CDH18: variants seen among roughly 807,000 people sequenced by gnomAD.
CDH18 encodes the protein cadherin 18.
Under a neutral mutation model 67.9 loss-of-function variants are expected in CDH18, and 31 were observed. The ratio of observed to expected loss-of-function variants is 0.46; its 90% confidence interval spans 0.34 to 0.62. The LOEUF is 0.62. Among genes scored for constraint, CDH18 ranks in the 20% least tolerant of loss-of-function variants. The pLI is 0.01. For missense variants in CDH18, 890 were observed against 975.5 expected, an observed-to-expected ratio of 0.91 and a Z score of 1.17; for synonymous variants, 362 against 347.2, an observed-to-expected ratio of 1.04 and a Z score of -0.48.
chr5:19,582,426 C>A (rs934390186), intron 7 of CDH18, among the ~76,000 whole-genome samples: 1 of 151,960 alleles, frequency 6.6e-6, no homozygotes, highest in Admixed American at 6.6e-5. Flanking sequence ...CGATTTATTA[C>A]TCCAGGCTCA....
intron 2 of CDH18, among the ~76,000 whole-genome samples, chr5:19,999,164 G>A (rs780352699): frequency 5.3e-5 from 8 of 151,982 alleles, no homozygotes; most frequent in Non-Finnish European, 1.2e-4. Flanking sequence ...TTAAGAAGAT[G>A]CCAGACCTGT....
intron 1 of CDH18, among the ~76,000 whole-genome samples, chr5:20,314,759 A>G (rs1162695391): frequency 2.0e-5 from 3 of 152,072 alleles, no homozygotes; most frequent in Non-Finnish European, 2.9e-5. Context: ...TTATTAACAC[A>G]TACCCTCTCT....
At chr5:20,048,199 T>G (rs1741074286) in intron 2 of CDH18, among the ~76,000 whole-genome samples, 1 of 151,674 alleles carries the variant, frequency 6.6e-6, no homozygotes, top group Admixed American at 6.6e-5. Flanking sequence ...TTCTTTTAAA[T>G]ATTTACAATG....
chr5:20,120,083 C>A (rs1428634622), intron 2 of CDH18, among the ~76,000 whole-genome samples: 1 of 152,028 alleles, frequency 6.6e-6, no homozygotes, highest in Non-Finnish European at 1.5e-5. Context: ...GCAAAGACTT[C>A]CTACTTTGAA....
chr5:20,427,540 A>G (rs1748395554), intron 1 of CDH18, among the ~76,000 whole-genome samples: 1 of 151,200 alleles, frequency 6.6e-6, no homozygotes, highest in East Asian at 1.9e-4. Context: ...CAGATATTTT[A>G]AAGGTCACAC....
intron 3 of CDH18, among the ~76,000 whole-genome samples, chr5:19,766,856 T>G (rs750695266): frequency 6.6e-6 from 1 of 152,168 alleles, no homozygotes; most frequent in African/African-American, 2.4e-5. Flanking sequence ...CACTCCATTC[T>G]GATGCCAAAG....
chr5:20,504,759 AATTT>A (rs1754552858), intron 1 of CDH18, among the ~76,000 whole-genome samples: 2 of 122,294 alleles, frequency 1.6e-5, no homozygotes, highest in African/African-American at 6.1e-5. Flanking sequence ...CACAAAAGGG[AATTT>A]TTTTTTTTTT....
At position 19,994,724 on chromosome 5, in the gene CDH18, TATATATATATATATAGAGAGAG is replaced by T. The variant is rs1448317617; in HGVS notation, c.-517-2732_-517-2711del. Among the ~76,000 whole-genome samples the T allele has an allele frequency of 6.7e-4, 16 of 23,950 alleles. 1 individual carries two copies. The highest frequency in any genetic ancestry group is 2.0e-3 in the African/African-American group (13 of 6,580). The allele number at this position is 23,950 out of a possible 152,430, so 15.7% of individuals were successfully genotyped here. A position where few individuals can be genotyped will look rare whatever the true frequency, so the allele number is the denominator to read the frequency against. ...CAGTATATATATATATATATATATATATATATATATATATAGAGAGAGAGAGAGAGAGAGAGAGAGAGAGAGA... is the reference window on the plus strand; with the variant it reads ...CAGTATATATATATATATATATATATAGAGAGAGAGAGAGAGAGAGAGAGA... On this transcript the variant is annotated intron_variant, in intron 2 of 14. Coordinates refer to the CDH18 transcript ENST00000507958.
At chr5:20,363,239 C>T (rs1270154209) in intron 1 of CDH18, among the ~76,000 whole-genome samples, 2 of 152,194 alleles carry the variant, frequency 1.3e-5, no homozygotes, top group South Asian at 4.2e-4. Flanking sequence ...AATCCCAGCA[C>T]TTTGGGAGGC....
At chr5:20,140,239 G>A (rs945969900) in intron 2 of CDH18, among the ~76,000 whole-genome samples, 8 of 152,074 alleles carry the variant, frequency 5.3e-5, no homozygotes, top group Admixed American at 2.0e-4. Context: ...AACACTACAT[G>A]TTCTCACTCA....
chr5:20,400,737 C>T (rs937689753), intron 1 of CDH18, among the ~76,000 whole-genome samples: 7 of 152,108 alleles, frequency 4.6e-5, no homozygotes, highest in African/African-American at 1.4e-4. Context: ...ACTCCAGACC[C>T]TGCACTTCCC....
chr5:19,581,214 G>T (rs1433682374), intron 7 of CDH18, among the ~76,000 whole-genome samples: 3 of 151,868 alleles, frequency 2.0e-5, no homozygotes, highest in East Asian at 3.9e-4. Flanking sequence ...TCAATGAGTT[G>T]ACACTGATTT....
chr5:19,978,264 A>T (rs1798695457), intron 2 of CDH18, among the ~76,000 whole-genome samples: 1 of 152,140 alleles, frequency 6.6e-6, no homozygotes, highest in South Asian at 2.1e-4. Context: ...TTTCATTAGG[A>T]GTAACATTTA....
At chr5:20,172,230 A>ATATACG (rs1554098796) in intron 2 of CDH18, among the ~76,000 whole-genome samples, 2 of 96,672 alleles carry the variant, frequency 2.1e-5, no homozygotes, top group African/African-American at 3.9e-5. Flanking sequence ...ATATGTATAT[A>ATATACG]TATATATATG....
chr5:19,499,571 A>G (rs899725345), intron 11 of CDH18, among the ~76,000 whole-genome samples: 5 of 151,864 alleles, frequency 3.3e-5, no homozygotes, highest in Admixed American at 6.6e-5. Flanking sequence ...TTTTTTATAC[A>G]TATTTCTTTT....
chr5:20,178,285 T>C (rs1737396669), intron 2 of CDH18, among the ~76,000 whole-genome samples: 1 of 152,064 alleles, frequency 6.6e-6, no homozygotes. Context: ...CTTCTCAGCC[T>C]CGACAATCAC....
chr5:19,759,331 C>T (rs1772034604), intron 3 of CDH18, among the ~76,000 whole-genome samples: 1 of 152,150 alleles, frequency 6.6e-6, no homozygotes, highest in Non-Finnish European at 1.5e-5. Flanking sequence ...TGTCTGCAAT[C>T]CCTCCAGGGA....
At chr5:19,744,696 A>G (rs983535099) in intron 4 of CDH18, among the ~76,000 whole-genome samples, 5 of 152,186 alleles carry the variant, frequency 3.3e-5, no homozygotes, top group African/African-American at 1.2e-4. Context: ...CTGATGGATC[A>G]TATTTGTCTA....
At chr5:20,293,119 C>A (rs934083014) in intron 1 of CDH18, among the ~76,000 whole-genome samples, 1 of 152,066 alleles carries the variant, frequency 6.6e-6, no homozygotes, top group African/African-American at 2.4e-5. Flanking sequence ...GAGTTCAAGA[C>A]CACACTGGCC....
Sources: allele counts gnomAD v4.1 joint callset (sites outside exome capture counted in the v4.1 genomes callset), GRCh38; gene constraint gnomAD v4.1.1; transcripts MANE v1.5; gene names NCBI Gene and HGNC (gene_info 2026-07-23, HGNC 2026-07-21).